BSN: variants seen among roughly 807,000 people sequenced by gnomAD.
The protein encoded by BSN is bassoon presynaptic cytomatrix protein.
BSN carries 57 observed loss-of-function variants against 264.8 expected under a neutral mutation model. The observed-to-expected ratio is 0.22, with a 90% CI of 0.17 to 0.27. The LOEUF (loss-of-function observed/expected upper bound fraction) is 0.27, where lower values mean the gene tolerates loss of function less well. Among genes scored for constraint, BSN ranks in the 10% least tolerant of loss-of-function variants. The pLI, the probability that BSN is intolerant of heterozygous loss-of-function variation, is 1.00. For missense variants in BSN, 4,615 were observed against 5,232.5 expected (o/e 0.88, Z 3.64); for synonymous variants, 2,059 against 2,137.3 (o/e 0.96, Z 1.01).
chr3:49,617,485 C>G (rs2052270078), intron 1 of BSN, among the ~76,000 whole-genome samples: 1 of 151,916 alleles, frequency 6.6e-6, no homozygotes, highest in Non-Finnish European at 1.5e-5. Context: ...AGCAATAGGA[C>G]TCCCATGGCT....
At chr3:49,605,781 ATATAATATATAAATATATT>A (rs1318465742) in intron 1 of BSN, among the ~76,000 whole-genome samples, 1 of 80,998 alleles carries the variant, frequency 1.2e-5, no homozygotes, top group Admixed American at 2.4e-4. Flanking sequence ...TATATATAAT[ATATAATATATAAATATATT>A]TATATATATA....
In BSN at chr3:49,655,519, A is replaced by G. The variant is rs371459571; in HGVS notation, c.5963A>G (p.Asn1988Ser). The change falls in exon 5 of 12, where the codon AAT (asparagine) becomes AGT (serine). Residue 1988 changes from asparagine (N) to serine (S), a missense_variant. Physicochemically the swap from Asn to Ser is conservative, Grantham distance 46 (BLOSUM62 1). Coordinates refer to ENST00000296452, the MANE Select transcript of BSN (RefSeq NM_003458.4). The stretch of plus-strand genomic sequence containing the variant: ...CTGTACTCCTCCATGTCTGACACCA[A>G]TTTGGCTGAGGCTGGCCTCAACTAC... ...GRLYSSMSDT[N>S]LAEAGLNYHA... is the part of the protein sequence containing the mutation. 147 of 1,609,786 alleles carry G rather than the reference A, an allele frequency of 9.1e-5. No homozygotes were observed. The highest frequency in any genetic ancestry group is 4.4e-4 in the South Asian group (40 of 90,916).
At chr3:49,662,854 A>G in intron 6 of BSN, 22 bp from the exon 7 acceptor site, 1 of 1,536,812 alleles carries the variant, frequency 6.5e-7, no homozygotes, top group East Asian at 2.3e-5. Context: ...GGTTGATGGT[A>G]TTCTGTTTTT....
rs115168217 is a variant in BSN at position 49,580,951 on chromosome 3, T to C, written c.224+26125T>C. Among the ~76,000 whole-genome samples, 1,131 of 151,962 alleles carry C rather than the reference T, an allele frequency of 7.4e-3. 10 individuals carry two copies. Among genetic ancestry groups the C allele is most frequent in the African/African-American group, 0.026 (1,087 of 41,456 alleles). On this transcript the variant is annotated intron_variant, in intron 1 of 11. Coordinates refer to ENST00000296452, the MANE Select transcript of BSN (RefSeq NM_003458.4). ...CTGACCATTAACCAGCACCTCCCCA[T>C]TGACCCCTTTCTTCAGCGCCTGTTA...
rs2051652039 is a variant in BSN, at chr3:49,554,810, G to A, written c.208G>A (p.Gly70Ser). The A allele has an allele frequency of 3.6e-6, 4 of 1,117,838 alleles. No homozygotes were observed. The East Asian group carries it at 1.7e-4, about 48-fold the overall frequency. 69.2% of individuals were successfully genotyped at this position (1,117,838 alleles called of 1,614,324 possible). ...VPGPGPGPGP[G>S]PGPGSTSRRL... is the part of the protein sequence containing the mutation. ...TGGCCCCGGCCCCGGCCCCGGTCCC[G>A]GCCCTGGCCCGGGCAGGTAAGCGCG... Residue 70 changes from glycine to serine, a missense_variant, in exon 1 of 12, where the codon GGC (glycine) becomes AGC (serine). Gly to Ser is a moderately conservative substitution (Grantham distance 56). This residue lies in a region of BSN where 1,197 missense variants were observed against 1,348.0 expected (regional missense o/e 0.89). Transcript: ENST00000296452.
In BSN at chr3:49,657,443, C is replaced by T; in HGVS notation, c.7887C>T (p.Arg2629=). 6.2e-7 allele frequency: 1 copy of T among 1,612,858 alleles called. No individual in the cohort carries two copies. Among genetic ancestry groups the T allele is most frequent in the Non-Finnish European group, 8.5e-7 (1 of 1,179,864 alleles). Residue 2629 remains arginine (R), a synonymous_variant, in exon 5 of 12, where the codon CGC becomes CGT. Transcript: ENST00000296452. ...SAEWEQPVRR[R]RSRLPRHSDS... ...AGTGGGAGCAGCCAGTGCGCCGCCG[C>T]AGGTCTCGTCTTCCCCGCCACTCAG...
At chr3:49,647,836 C>A (rs1327667219) in intron 3 of BSN, among the ~76,000 whole-genome samples, 1 of 152,216 alleles carries the variant, frequency 6.6e-6, no homozygotes, top group Admixed American at 6.5e-5. Flanking sequence ...CCTGGCTCTA[C>A]TCCTACCAGC....
chr3:49,568,900 A>G (rs1491984), intron 1 of BSN, among the ~76,000 whole-genome samples: 151,872 of 152,340 alleles, frequency 1, 75,702 homozygotes, highest in East Asian at 1. Context: ...AGAAGCAATA[A>G]TATTCAGGCA....
At position 49,660,470 on chromosome 3, in the gene BSN, C is replaced by T. The variant is rs745958963; in HGVS notation, c.8641-16C>T. On this transcript the variant is annotated splice_polypyrimidine_tract_variant and intron_variant, in intron 5 of 11. Transcript: ENST00000296452. The surrounding 1 kb of genome is among the most constrained non-coding windows in gnomAD (Gnocchi z 7.1). ...ACCTTGGGTCTCAGTGCTGCCCACC[C>T]TTCCCTCTGTCTCAGGTGTCGGCGT... is the stretch of plus-strand genomic sequence containing the variant. 42 of 1,525,666 alleles carry T rather than the reference C, an allele frequency of 2.8e-5. No homozygotes were observed. The highest frequency in any genetic ancestry group is 3.0e-5 in the Non-Finnish European group (34 of 1,137,290). The allele number at this position is 1,525,666 out of a possible 1,614,324, so 94.5% of individuals were successfully genotyped here. A position where few individuals can be genotyped will look rare whatever the true frequency, so the allele number is the denominator to read the frequency against.
Position 49,625,063 on chromosome 3 carries a change from G to A in BSN, c.313G>A (p.Gly105Ser), listed in dbSNP as rs1482280169. 6.2e-7 allele frequency: 1 copy of A among 1,605,884 alleles called. No individual in the cohort carries two copies. The highest frequency in any genetic ancestry group is 1.7e-5 in the Admixed American group (1 of 57,942). The change falls in exon 2 of 12, where the codon GGC becomes AGC. Residue 105 changes from glycine to serine, a missense_variant. By Grantham distance (56) the Gly-to-Ser change is moderately conservative (BLOSUM62 0). This residue lies in a region of BSN where 1,197 missense variants were observed against 1,348.0 expected (regional missense o/e 0.89). Coordinates refer to ENST00000296452, the MANE Select transcript of BSN (RefSeq NM_003458.4). The surrounding 1 kb of genome is among the most constrained non-coding windows in gnomAD (Gnocchi z 4.4). ...GAAGCAGGCTTCTGCTACCACTCCT[G>A]GCCATGAGAGCCCCCGAGAGACAAG... ...TPKQASATTP[G>S]HESPRETRAQ...
intron 1 of BSN, among the ~76,000 whole-genome samples, chr3:49,569,743 G>A (rs2051782152): frequency 6.6e-6 from 1 of 152,228 alleles, no homozygotes; most frequent in Non-Finnish European, 1.5e-5. Flanking sequence ...GCTAGTCAGA[G>A]ATGAAGCTCA....
At chr3:49,568,072 AAGAGACAT>A (rs571804258) in intron 1 of BSN, among the ~76,000 whole-genome samples, 94 of 152,328 alleles carry the variant, frequency 6.2e-4, no homozygotes, top group African/African-American at 2.1e-3. Context: ...ATTTAGTCTT[AAGAGACAT>A]GCAGTGTCAC....
Position 49,625,433 on chromosome 3 carries a change from A to G in BSN, c.633+50A>G. ...CACTCACCTGCTACCTCATTACCAT[A>G]CCTCCCCTGGTTCCCTTCCCCTCTT... On this transcript the variant is annotated intron_variant, in intron 2 of 11. Transcript: ENST00000296452. The surrounding 1 kb of genome is among the most constrained non-coding windows in gnomAD (Gnocchi z 4.4). 7.2e-7 allele frequency: 1 copy of G among 1,389,862 alleles called. No individual in the cohort carries two copies. Among genetic ancestry groups the G allele is most frequent in the South Asian group, 1.8e-5 (1 of 56,304 alleles). 86.1% of individuals were successfully genotyped at this position (1,389,862 alleles called of 1,614,324 possible).
chr3:49,565,534 A>G (rs1285190594), intron 1 of BSN, among the ~76,000 whole-genome samples: 1 of 151,784 alleles, frequency 6.6e-6, no homozygotes, highest in African/African-American at 2.4e-5. Flanking sequence ...GTTAGCCAGG[A>G]TGGGCCCGAT....
At chr3:49,581,779 G>A (rs1483088334) in intron 1 of BSN, among the ~76,000 whole-genome samples, 2 of 151,862 alleles carry the variant, frequency 1.3e-5, no homozygotes, top group Non-Finnish European at 2.9e-5. Flanking sequence ...AGCCGAAATC[G>A]CGCCACTGCA....
chr3:49,654,915 C>A lies in BSN; in HGVS notation c.5359C>A (p.Arg1787=). ...GCAGGCTGTCCAGACAGCCCCATAC[C>A]GAAGTGGGCCCCGGGGAAGACCCAG... is the stretch of plus-strand genomic sequence containing the variant. ...VEQAVQTAPY[R]SGPRGRPREA... The change falls in exon 5 of 12, where the codon CGA becomes AGA. Residue 1787 remains arginine (R), a synonymous_variant. Coordinates refer to ENST00000296452, the MANE Select transcript of BSN (RefSeq NM_003458.4). The surrounding 1 kb of genome is among the most constrained non-coding windows in gnomAD (Gnocchi z 4.1). 6.2e-7 allele frequency: 1 copy of A among 1,612,118 alleles called. No individual in the cohort carries two copies. Among genetic ancestry groups the A allele is most frequent in the Admixed American group, 1.7e-5 (1 of 59,920 alleles).
At position 49,652,857 on chromosome 3, in the gene BSN, G is replaced by A. The variant is rs1316957364; in HGVS notation, c.3301G>A (p.Glu1101Lys). The A allele has an allele frequency of 1.2e-6, 2 of 1,605,610 alleles. No individual in the cohort carries two copies. Among genetic ancestry groups the A allele is most frequent in the Non-Finnish European group, 8.5e-7 (1 of 1,175,016 alleles). ...ACCACCCAGTAACTTGTCACCCATC[G>A]AGGATGCCTCCCCGACGGAGGAGCT... is the stretch of plus-strand genomic sequence containing the variant. ...KTPPSNLSPI[E>K]DASPTEELRQ... The change falls in exon 5 of 12, where the codon GAG becomes AAG. Residue 1101 changes from glutamate (E) to lysine (K), a missense_variant. Physicochemically the swap from Glu to Lys is moderately conservative, Grantham distance 56 (BLOSUM62 1). Around this residue, in one of 3 missense-constraint regions of BSN, gnomAD observed 3,415 missense variants for 3,866.4 expected, o/e 0.88. Coordinates refer to ENST00000296452, the MANE Select transcript of BSN (RefSeq NM_003458.4).
chr3:49,567,930 A>G (rs1035270714), intron 1 of BSN, among the ~76,000 whole-genome samples: 4 of 152,202 alleles, frequency 2.6e-5, no homozygotes, highest in African/African-American at 7.2e-5. Context: ...TGGGAGCCCC[A>G]GGGCTTCTCC....
Position 49,585,362 on chromosome 3 carries a change from T to C in BSN, c.224+30536T>C, listed in dbSNP as rs2051926596. On this transcript the variant is annotated intron_variant, in intron 1 of 11. Coordinates refer to ENST00000296452, the MANE Select transcript of BSN (RefSeq NM_003458.4). The surrounding 1 kb of genome is among the most constrained non-coding windows in gnomAD (Gnocchi z 4.7). Reference sequence around the variant, plus strand: ...CCAGTATCTTCTGCACATATTTCACTAATTATTTCCTCTCGGAACTCCTCC... The same window carrying C: ...CCAGTATCTTCTGCACATATTTCACCAATTATTTCCTCTCGGAACTCCTCC... Among the ~76,000 whole-genome samples the C allele has an allele frequency of 6.6e-6, 1 of 152,236 alleles. No individual in the cohort carries two copies. Among genetic ancestry groups the C allele is most frequent in the Admixed American group, 6.5e-5 (1 of 15,284 alleles).
Sources: gnomAD v4.1 joint callset for allele counts (sites outside exome capture counted in the v4.1 genomes callset) on GRCh38, gnomAD v4.1.1 for gene constraint, gnomAD v4.1.1 regional missense constraint, Gnocchi (gnomAD v3.1) non-coding constraint, MANE v1.5 for transcripts, NCBI Gene and HGNC (gene_info 2026-07-23, HGNC 2026-07-21) for gene names.